The following PHF2 variants were observed in gnomAD, a reference collection of about 807,000 sequenced individuals.
PHF2 encodes lysine-specific demethylase PHF2.
A neutral mutation model predicts 120.5 loss-of-function variants in PHF2; 27 were observed. The ratio of observed to expected loss-of-function variants is 0.22; its 90% CI spans 0.17 to 0.31. The LOEUF (loss-of-function observed/expected upper bound fraction) is 0.31. Among genes scored for constraint, PHF2 ranks in the 10% least tolerant of loss-of-function variants. The pLI, the probability that PHF2 is intolerant of heterozygous loss-of-function variation, is 1.00. For synonymous variants in PHF2, 568 were observed against 592.5 expected, an observed-to-expected ratio of 0.96 and a Z score of 0.60; for missense variants, 1,024 against 1,434.8, an observed-to-expected ratio of 0.71 and a Z score of 4.63.
intron 1 of PHF2, 130 bp from the exon 2 acceptor site, chr9:93,629,840 T>G (rs1825970614): frequency 1.2e-6 from 1 of 833,820 alleles, no homozygotes; most frequent in Non-Finnish European, 2.0e-6. Context: ...ACACTGTCCC[T>G]GCACAGCTGT....
chr9:93,600,395 C>T (rs903195733), intron 1 of PHF2, among the ~76,000 whole-genome samples: 22 of 152,162 alleles, frequency 1.4e-4, no homozygotes, highest in Non-Finnish European at 2.2e-4. Context: ...TCTCCCAGTC[C>T]GATGCCTGTC....
Position 93,660,511 on chromosome 9 carries a change from C to A in PHF2, c.1649C>A (p.Ala550Asp). Residue 550 changes from alanine (A) to aspartate (D), a missense_variant, in exon 12 of 22, where the codon GCC becomes GAC. Physicochemically the swap from Ala to Asp is moderately radical, Grantham distance 126 (BLOSUM62 -2). Transcript: ENST00000359246. ...PTIPNLDLLE[A>D]HTKEALTKME... ...ATCCCCAACCTGGACCTGCTCGAAGCCCACACCAAGGAGGCACTGACCAAG... is the reference window on the plus strand; with the variant it reads ...ATCCCCAACCTGGACCTGCTCGAAGACCACACCAAGGAGGCACTGACCAAG... The A allele has an allele frequency of 6.2e-7, 1 of 1,600,124 alleles. No homozygotes were observed. Among genetic ancestry groups the A allele is most frequent in the Non-Finnish European group, 8.5e-7 (1 of 1,174,796 alleles).
intron 1 of PHF2, among the ~76,000 whole-genome samples, chr9:93,613,985 G>A (rs372245726): frequency 2.6e-5 from 4 of 152,176 alleles, no homozygotes; most frequent in Non-Finnish European, 5.9e-5. Context: ...CTTTCTTGCT[G>A]TTTAATCCTC....
At chr9:93,596,906 G>A (rs1420150192) in intron 1 of PHF2, among the ~76,000 whole-genome samples, 9 of 148,974 alleles carry the variant, frequency 6.0e-5, no homozygotes, top group Non-Finnish European at 1.0e-4. Flanking sequence ...CTACAGGCAC[G>A]CGCCAGCACG....
At chr9:93,643,459 C>G (rs1288117892) in intron 3 of PHF2, among the ~76,000 whole-genome samples, 1 of 152,186 alleles carries the variant, frequency 6.6e-6, no homozygotes. Flanking sequence ...TTTCTTCTTC[C>G]TCACCGTCTA....
rs777886031 is a variant in PHF2, at chr9:93,663,046, A to C, written c.1818+20A>C. ...TACAAGGTGAGAAGTGCACATATGC[A>C]TGCACACGTGTGTGTGTCAGCTTGG... is the stretch of plus-strand genomic sequence containing the variant. On this transcript the variant is annotated intron_variant, in intron 13 of 21. Coordinates refer to ENST00000359246, the MANE Select transcript of PHF2 (RefSeq NM_005392.4). 1.9e-6 allele frequency: 3 copies of C among 1,613,878 alleles called. No individual in the cohort carries two copies. The highest frequency in any genetic ancestry group is 2.2e-5 in the South Asian group (2 of 91,056).
intron 1 of PHF2, among the ~76,000 whole-genome samples, chr9:93,581,600 T>C (rs1284477320): frequency 1.3e-5 from 2 of 152,204 alleles, no homozygotes; most frequent in Non-Finnish European, 2.9e-5. Flanking sequence ...AGGAGGTGTG[T>C]CTTGAAGGAA....
intron 1 of PHF2, among the ~76,000 whole-genome samples, chr9:93,583,907 C>T (rs1862982207): frequency 6.6e-6 from 1 of 151,316 alleles, no homozygotes; most frequent in Non-Finnish European, 1.5e-5. Flanking sequence ...CAGCTCACCA[C>T]AACCTCTGCC....
At position 93,654,709 on chromosome 9, in the gene PHF2, G is replaced by A. The variant is rs1422395211; in HGVS notation, c.952+134G>A. 3.4e-6 allele frequency: 3 copies of A among 876,156 alleles called. No homozygotes were observed. In the African/African-American group the frequency reaches 5.0e-5, roughly 15 times the overall value. The allele number at this position is 876,156 out of a possible 1,614,324, so 54.3% of individuals were successfully genotyped here. A position where few individuals can be genotyped will look rare whatever the true frequency, so the allele number is the denominator to read the frequency against. ...CCTGGCATGCCTGCTCCCTTGTCCT[G>A]AGCATATGAAGTGGAAAGGAGGTTG... On this transcript the variant is annotated intron_variant, in intron 7 of 21. Coordinates refer to ENST00000359246, the MANE Select transcript of PHF2 (RefSeq NM_005392.4).
intron 10 of PHF2, 125 bp downstream of exon 10, chr9:93,658,361 G>A (rs1826497085): frequency 6.5e-6 from 5 of 773,634 alleles, no homozygotes; most frequent in East Asian, 2.7e-5. Flanking sequence ...TGGGAAGGAC[G>A]GTGGTGCTCC....
rs1432888879 is a variant in PHF2 at position 93,576,754 on chromosome 9, C to G, written c.-20C>G. The G allele has an allele frequency of 2.6e-6, 3 of 1,172,146 alleles. No homozygotes were observed. The highest frequency in any genetic ancestry group is 3.3e-5 in the African/African-American group (2 of 59,850). The allele number at this position is 1,172,146 out of a possible 1,614,324, so 72.6% of individuals were successfully genotyped here. A position where few individuals can be genotyped will look rare whatever the true frequency, so the allele number is the denominator to read the frequency against. On this transcript the variant is annotated 5_prime_UTR_variant, in exon 1 of 22. Transcript: ENST00000359246. ...CGGGCAGCGCAGCGGCGGGGCCGAG[C>G]GGCGGCGCGGCGCGGCAACATGGCG... is the stretch of plus-strand genomic sequence containing the variant.
intron 1 of PHF2, among the ~76,000 whole-genome samples, chr9:93,615,881 A>G (rs909259990): frequency 4.6e-5 from 7 of 152,228 alleles, no homozygotes; most frequent in Non-Finnish European, 8.8e-5. Flanking sequence ...GACACAGGAA[A>G]GCCAGGAAGA....
intron 17 of PHF2, 127 bp from the exon 18 acceptor site, chr9:93,673,458 C>T (rs1307117534): frequency 1.3e-5 from 10 of 759,960 alleles, no homozygotes; most frequent in East Asian, 3.0e-5. Context: ...CTCTGCTCCA[C>T]GCCCTCTGCC....
At chr9:93,650,332 C>G (rs553166518) in intron 5 of PHF2, among the ~76,000 whole-genome samples, 1 of 152,192 alleles carries the variant, frequency 6.6e-6, no homozygotes, top group African/African-American at 2.4e-5. Context: ...GACACACACA[C>G]ATCCCTGACA....
chr9:93,608,667 CAG>C (rs1300879195), intron 1 of PHF2, among the ~76,000 whole-genome samples: 1 of 152,072 alleles, frequency 6.6e-6, no homozygotes, highest in Non-Finnish European at 1.5e-5. Context: ...TGAGTTTTGA[CAG>C]AGTATATCTT....
chr9:93,643,405 G>A (rs376080111), intron 3 of PHF2, among the ~76,000 whole-genome samples: 12 of 152,248 alleles, frequency 7.9e-5, no homozygotes, highest in African/African-American at 2.6e-4. Context: ...CCTTTGCATG[G>A]TCTGTATGCC....
At chr9:93,605,461 A>G (rs2989752) in intron 1 of PHF2, among the ~76,000 whole-genome samples, 47,379 of 152,156 alleles carry the variant, frequency 0.31, 8,163 homozygotes, top group South Asian at 0.6. Flanking sequence ...TTGCAATGTA[A>G]TACAGAAGAG....
intron 1 of PHF2, among the ~76,000 whole-genome samples, chr9:93,620,613 GT>G (rs1376885448): frequency 6.6e-6 from 1 of 152,230 alleles, no homozygotes; most frequent in Non-Finnish European, 1.5e-5. Flanking sequence ...GTTGAGGTTG[GT>G]TTTTTGTTAA....
Position 93,576,656 on chromosome 9 carries a change from C to A in PHF2, c.-118C>A. The A allele has an allele frequency of 6.2e-6, 1 of 161,686 alleles. No homozygotes were observed. Among genetic ancestry groups the A allele is most frequent in the Non-Finnish European group, 1.2e-5 (1 of 81,126 alleles). 10.0% of individuals were successfully genotyped at this position (161,686 alleles called of 1,614,324 possible). On this transcript the variant is annotated 5_prime_UTR_variant, in exon 1 of 22. Transcript: ENST00000359246. Reference sequence around the variant, plus strand: ...GCCCCCGTCCCCGTCCCCTCCCGGCCGCGGCGCCGCCTGCGCCCCGCCGCC... The same window carrying A: ...GCCCCCGTCCCCGTCCCCTCCCGGCAGCGGCGCCGCCTGCGCCCCGCCGCC...
Sources: gnomAD v4.1 joint callset for allele counts (sites outside exome capture counted in the v4.1 genomes callset) on GRCh38, gnomAD v4.1.1 for gene constraint, MANE v1.5 for transcripts, NCBI Gene and HGNC (gene_info 2026-07-23, HGNC 2026-07-21) for gene names.